The following CUX2 variants were observed in gnomAD, a reference collection of about 807,000 sequenced individuals.
CUX2 encodes the protein homeobox protein cut-like 2.
In CUX2, 40 loss-of-function variants were observed where a neutral mutation model predicts 144.8. The observed-to-expected ratio is 0.28, with a 90% CI of 0.21 to 0.36. CUX2 has a LOEUF of 0.36. Ranked by LOEUF, CUX2 falls within the 10% of genes least tolerant of loss-of-function variation. The pLI, the probability that CUX2 is intolerant of heterozygous loss-of-function variation, is 1.00. For synonymous variants in CUX2, 827 were observed against 875.6 expected (o/e 0.94, Z 0.98); for missense variants, 1,615 against 1,994.0 (o/e 0.81, Z 3.62).
intron 3 of CUX2, among the ~76,000 whole-genome samples, chr12:111,219,498 T>C (rs1565856606): frequency 2.0e-5 from 3 of 152,220 alleles, no homozygotes; most frequent in Admixed American, 6.5e-5. Context: ...AAGACAGGCA[T>C]TCAGCTGTTT....
chr12:111,214,173 CTTTTTT>C, intron 1 of CUX2, 21 bp from the exon 2 acceptor site: 4 of 1,002,966 alleles, frequency 4.0e-6, no homozygotes, highest in South Asian at 2.0e-5. Flanking sequence ...CTCTCTCTCT[CTTTTTT>C]TTTTTTTTTT....
At chr12:111,129,056 A>G (rs1313018607) in intron 1 of CUX2, among the ~76,000 whole-genome samples, 1 of 152,228 alleles carries the variant, frequency 6.6e-6, no homozygotes, top group African/African-American at 2.4e-5. Flanking sequence ...TGGTTGCAGG[A>G]CTAACTAGAT....
At chr12:111,108,756 CCTCT>C (rs761286912) in intron 1 of CUX2, among the ~76,000 whole-genome samples, 3 of 149,300 alleles carry the variant, frequency 2.0e-5, no homozygotes, top group Non-Finnish European at 4.4e-5. Context: ...TCTCTTTCTC[CCTCT>C]CTCTCTCTTT....
At chr12:111,124,813 T>C (rs1874939188) in intron 1 of CUX2, among the ~76,000 whole-genome samples, 1 of 152,066 alleles carries the variant, frequency 6.6e-6, no homozygotes, top group Non-Finnish European at 1.5e-5. Flanking sequence ...CTTCCAGGGG[T>C]CCCCACTGTC....
At position 111,144,697 on chromosome 12, in the gene CUX2, C is replaced by T. The variant is rs1007492571; in HGVS notation, c.64-69503C>T. ...AAATTCCTGAATGCTTAAAGATGAA[C>T]GAATGAATGCCTTTAGCTTACCACT... On this transcript the variant is annotated intron_variant, in intron 1 of 21. Coordinates refer to ENST00000261726, the MANE Select transcript of CUX2 (RefSeq NM_015267.4). 5.3e-5 allele frequency among the ~76,000 whole-genome samples: 8 copies of T among 152,206 alleles called. No homozygotes were observed. The East Asian group carries it at 5.8e-4, about 11-fold the overall frequency.
intron 20 of CUX2, among the ~76,000 whole-genome samples, chr12:111,338,685 G>A (rs2136441817): frequency 6.6e-6 from 1 of 152,296 alleles, no homozygotes. Context: ...CAGGGCATGG[G>A]TAGTCCTGGC....
intron 21 of CUX2, among the ~76,000 whole-genome samples, chr12:111,347,161 A>C (rs1186822481): frequency 6.6e-6 from 1 of 152,164 alleles, no homozygotes; most frequent in African/African-American, 2.4e-5. Context: ...GACTAGCCTC[A>C]TGTCAAGCAC....
intron 1 of CUX2, among the ~76,000 whole-genome samples, chr12:111,211,484 T>C (rs540697617): frequency 2.0e-5 from 3 of 152,196 alleles, no homozygotes; most frequent in Non-Finnish European, 4.4e-5. Context: ...TGCAATTTCC[T>C]TTCAGAACCT....
intron 3 of CUX2, among the ~76,000 whole-genome samples, chr12:111,230,197 A>AC (rs1360590452): frequency 2.0e-4 from 6 of 29,400 alleles, no homozygotes; most frequent in African/African-American, 6.8e-4. Context: ...GAAGCAGGAG[A>AC]GGGGGGGAGG....
At chr12:111,170,825 G>C (rs536222378) in intron 1 of CUX2, among the ~76,000 whole-genome samples, 1 of 152,034 alleles carries the variant, frequency 6.6e-6, no homozygotes, top group Non-Finnish European at 1.5e-5. Context: ...GTTCCTCTCC[G>C]TGGCTGGGTC....
chr12:111,256,698 C>A (rs1458035309), intron 3 of CUX2, among the ~76,000 whole-genome samples: 1 of 152,196 alleles, frequency 6.6e-6, no homozygotes, highest in Non-Finnish European at 1.5e-5. Flanking sequence ...GGCACCGATA[C>A]CACCTCTGCC....
intron 3 of CUX2, among the ~76,000 whole-genome samples, chr12:111,257,357 TC>T (rs1254802427): frequency 1.4e-5 from 1 of 72,328 alleles, no homozygotes; most frequent in African/African-American, 5.5e-5. Flanking sequence ...CTCCTCCGCT[TC>T]CTCCTCCTCC....
intron 1 of CUX2, among the ~76,000 whole-genome samples, chr12:111,161,607 G>A (rs1482422160): frequency 6.6e-6 from 1 of 152,214 alleles, no homozygotes; most frequent in African/African-American, 2.4e-5. Context: ...TGAGGAAACT[G>A]AGGTTCAGCA....
Position 111,306,922 on chromosome 12 carries a change from A to G in CUX2, c.860A>G (p.Asp287Gly), listed in dbSNP as rs1886612476. Residue 287 changes from aspartate to glycine, a missense_variant and splice_region_variant, in exon 11 of 22, where the codon GAT becomes GGT. Physicochemically the swap from Asp to Gly is moderately conservative, Grantham distance 94 (BLOSUM62 -1). Coordinates refer to ENST00000261726, the MANE Select transcript of CUX2 (RefSeq NM_015267.4). The part of the protein sequence containing the change: ...ACCSPQGPSG[D>G]KVNFTLCSGP... Reference sequence around the variant, plus strand: ...CCTCAAAGACCCCTTTGCCTGCAGGATAAGGTGAACTTCACTCTGTGCTCG... The same window carrying G: ...CCTCAAAGACCCCTTTGCCTGCAGGGTAAGGTGAACTTCACTCTGTGCTCG... The G allele has an allele frequency of 6.3e-7, 1 of 1,595,990 alleles. No homozygotes were observed.
chr12:111,208,449 G>A (rs1490899261), intron 1 of CUX2, among the ~76,000 whole-genome samples: 2 of 152,140 alleles, frequency 1.3e-5, no homozygotes, highest in African/African-American at 2.4e-5. Context: ...AGTCCCTCCT[G>A]GTTGGGGAAA....
chr12:111,037,571 T>C lies in CUX2; in HGVS notation c.63+3331T>C, dbSNP rs1869524844. ...ACTCCTGAAACTACCTCCCCCCGTCTTTGCTTCTTTTTTGCCTTTGCTGCT... is the reference window on the plus strand; with the variant it reads ...ACTCCTGAAACTACCTCCCCCCGTCCTTGCTTCTTTTTTGCCTTTGCTGCT... On this transcript the variant is annotated intron_variant, in intron 1 of 21. Coordinates refer to ENST00000261726, the MANE Select transcript of CUX2 (RefSeq NM_015267.4). This position sits in a 1 kb window ranked among gnomAD's most constrained non-coding sequence, Gnocchi z 5.4. 6.6e-6 allele frequency among the ~76,000 whole-genome samples: 1 copy of C among 152,208 alleles called. No individual in the cohort carries two copies. Among genetic ancestry groups the C allele is most frequent in the Non-Finnish European group, 1.5e-5 (1 of 68,038 alleles).
At chr12:111,126,538 C>T (rs1875097498) in intron 1 of CUX2, among the ~76,000 whole-genome samples, 2 of 152,188 alleles carry the variant, frequency 1.3e-5, no homozygotes, top group Non-Finnish European at 2.9e-5. Context: ...TGTCCTGGCT[C>T]AAGTAGACAG....
In CUX2 at chr12:111,037,538, A is replaced by G. The variant is rs1311473339; in HGVS notation, c.63+3298A>G. 2.0e-5 allele frequency among the ~76,000 whole-genome samples: 3 copies of G among 151,654 alleles called. No homozygotes were observed. Among genetic ancestry groups the G allele is most frequent in the African/African-American group, 7.3e-5 (3 of 41,226 alleles). The stretch of plus-strand genomic sequence containing the variant: ...AAGGTGATCTGACATGTGCCACCCT[A>G]CTCCGGCACTCCTGAAACTACCTCC... On this transcript the variant is annotated intron_variant, in intron 1 of 21. Transcript: ENST00000261726. The surrounding 1 kb of genome is among the most constrained non-coding windows in gnomAD (Gnocchi z 5.4).
chr12:111,102,738 G>A (rs1451576153), intron 1 of CUX2, among the ~76,000 whole-genome samples: 4 of 152,094 alleles, frequency 2.6e-5, no homozygotes, highest in African/African-American at 9.7e-5. Flanking sequence ...TCCAGTTGCC[G>A]AGTGACTTCA....
Sources: allele counts gnomAD v4.1 joint callset (sites outside exome capture counted in the v4.1 genomes callset), GRCh38; gene constraint gnomAD v4.1.1; non-coding constraint Gnocchi (gnomAD v3.1); transcripts MANE v1.5; gene names NCBI Gene and HGNC (gene_info 2026-07-23, HGNC 2026-07-21).